NUP160: variants seen among roughly 807,000 people sequenced by gnomAD.
NUP160 encodes nucleoporin 160.
In NUP160, 94 loss-of-function variants were observed where a neutral mutation model predicts 196.9. The ratio of observed to expected loss-of-function variants is 0.48; its 90% CI spans 0.40 to 0.57. NUP160 has a LOEUF of 0.57. Ranked by LOEUF, NUP160 falls within the 20% of genes least tolerant of loss-of-function variation. The probability of loss-of-function intolerance (pLI) is 0.00; values close to 1 mark genes in which losing one functional copy is unlikely to be tolerated. For missense variants in NUP160, 1,638 were observed against 1,748.3 expected (o/e 0.94, Z 1.13); for synonymous variants, 605 against 619.7 (o/e 0.98, Z 0.35).
At chr11:47,824,052 T>TATATACAC (rs1391609379) in intron 7 of NUP160, among the ~76,000 whole-genome samples, 1 of 93,798 alleles carries the variant, frequency 1.1e-5, no homozygotes, top group Non-Finnish European at 2.0e-5. Context: ...TATATATATA[T>TATATACAC]ACACACACAC....
intron 11 of NUP160, 126 bp downstream of exon 11, chr11:47,817,930 A>G (rs1851771028): frequency 1.8e-6 from 1 of 550,492 alleles, no homozygotes; most frequent in African/African-American, 1.9e-5. Flanking sequence ...AAGTATTTAC[A>G]AACACACATA....
intron 2 of NUP160, 145 bp from the exon 3 acceptor site, chr11:47,840,733 T>C (rs989742122): frequency 1.7e-6 from 1 of 574,182 alleles, no homozygotes; most frequent in Non-Finnish European, 3.0e-6. Context: ...GCATGCCAAA[T>C]CACATTATGT....
intron 32 of NUP160, 43 bp from the exon 33 acceptor site, chr11:47,785,106 T>TTTTTTTTTTTTTTTTTTTTTG (rs778039579): frequency 1.0e-6 from 1 of 967,542 alleles, no homozygotes; most frequent in African/African-American, 1.5e-5. Context: ...AGATTCTTAA[T>TTTTTTTTTTTTTTTTTTTTTG]AGCTATTTAG....
chr11:47,848,009 A>T, intron 1 of NUP160, 50 bp from the exon 2 acceptor site: 4 of 1,438,302 alleles, frequency 2.8e-6, no homozygotes, highest in Non-Finnish European at 3.9e-6. Flanking sequence ...GAGAAATGAC[A>T]GGGACTAAGG....
At chr11:47,840,010 T>C in exon 4 of NUP160, 2 of 1,614,172 alleles carry the variant, frequency 1.2e-6, no homozygotes, top group South Asian at 1.1e-5. Context: ...ATCTGTGAAA[T>C]CAACTTTTCC....
At chr11:47,781,032 C>T (rs1031982113) in intron 34 of NUP160, among the ~76,000 whole-genome samples, 2 of 151,362 alleles carry the variant, frequency 1.3e-5, no homozygotes, top group Non-Finnish European at 2.9e-5. Flanking sequence ...CGAGACCAGC[C>T]TGGCCAATAT....
chr11:47,841,816 C>G (rs1305425180), intron 2 of NUP160: 1 of 168,340 alleles, frequency 5.9e-6, no homozygotes, highest in East Asian at 1.8e-4. Flanking sequence ...ACCTCCTCAG[C>G]AGCTGGGACT....
rs1488514802 is a variant in NUP160 at position 47,810,584 on chromosome 11, TCA to T, written c.2241+1478_2241+1479del. Among the ~76,000 whole-genome samples the T allele has an allele frequency of 3.3e-5, 5 of 151,684 alleles. No individual in the cohort carries two copies. In the East Asian group the frequency reaches 9.7e-4, roughly 29 times the overall value. ...TTTTTGGAGACAGAATCTCGCTCTG[TCA>T]CACACGCTGGAGTGCAGTGGTGCAA... On this transcript the variant is annotated intron_variant, in intron 17 of 35. Coordinates refer to ENST00000378460, the Ensembl canonical transcript of NUP160.
intron 9 of NUP160, among the ~76,000 whole-genome samples, chr11:47,820,515 G>A (rs771100497): frequency 6.6e-6 from 1 of 151,902 alleles, no homozygotes; most frequent in Non-Finnish European, 1.5e-5. Flanking sequence ...AGGGTGCATC[G>A]TGCCACCACA....
chr11:47,787,684 A>G (rs2097665431), intron 31 of NUP160, among the ~76,000 whole-genome samples: 2 of 151,136 alleles, frequency 1.3e-5, no homozygotes. Context: ...TATTAGTAGG[A>G]TTACAGATGT....
chr11:47,808,427 A>G (rs149467309), exon 18 of NUP160: 1 of 1,613,562 alleles, frequency 6.2e-7, no homozygotes, highest in East Asian at 2.2e-5. Flanking sequence ...GTTGCCAAGC[A>G]CTCACTTCCC....
exon 20 of NUP160, chr11:47,806,271 C>T (rs1340115534): frequency 6.2e-7 from 1 of 1,613,510 alleles, no homozygotes; most frequent in South Asian, 1.1e-5. Context: ...TTTCTTGCAA[C>T]TTCTTGGAAG....
Position 47,808,401 on chromosome 11 carries a change from G to A in NUP160, c.2370C>T (p.Asp790=), listed in dbSNP as rs148509080. The change falls in exon 18 of 36, where the codon GAC becomes GAT. Residue 790 remains aspartate (D), a synonymous_variant. Transcript: ENST00000378460. ...ATTGGGATAATGAAACTCACAGTGT[G>A]TCAAGTGGAACATCAGTTGCCAAGC... The A allele has an allele frequency of 3.3e-4, 537 of 1,611,934 alleles. 2 individuals are homozygous for A. In the East Asian group the frequency reaches 0.011, roughly 32 times the overall value.
At chr11:47,797,627 G>T in intron 27 of NUP160, 152 bp downstream of exon 27, 1 of 608,646 alleles carries the variant, frequency 1.6e-6, no homozygotes. Context: ...GGAAGCAAGG[G>T]CCTATCTTCA....
At position 47,788,068 on chromosome 11, in the gene NUP160, T is replaced by G. The variant is rs1177309943; in HGVS notation, c.3746+114A>C. On this transcript the variant is annotated intron_variant, in intron 31 of 35. Coordinates refer to ENST00000378460, the Ensembl canonical transcript of NUP160. The stretch of plus-strand genomic sequence containing the variant: ...TTGGATGGATTAAACAAAACACTTC[T>G]TCAAATCATAAATGATATATGGGCT... 4.3e-6 allele frequency: 4 copies of G among 934,458 alleles called. No individual in the cohort carries two copies. In the African/African-American group the frequency reaches 5.0e-5, roughly 12 times the overall value. 57.9% of individuals were successfully genotyped at this position (934,458 alleles called of 1,614,324 possible). A position where few individuals can be genotyped will look rare whatever the true frequency, so the allele number is the denominator to read the frequency against.
intron 13 of NUP160, among the ~76,000 whole-genome samples, chr11:47,814,238 T>A (rs1404278739): frequency 6.6e-6 from 1 of 151,972 alleles, no homozygotes; most frequent in Non-Finnish European, 1.5e-5. Flanking sequence ...GATAACAGTT[T>A]GAGGTTAAGC....
At chr11:47,831,844 A>C (rs1211215934) in intron 7 of NUP160, among the ~76,000 whole-genome samples, 2 of 4,070 alleles carry the variant, frequency 4.9e-4, no homozygotes, top group African/African-American at 6.3e-4. Flanking sequence ...CTCTCTCTCA[A>C]AAAAAAAAAA....
chr11:47,820,377 T>C (rs1398594537), intron 9 of NUP160: 2 of 152,062 alleles, frequency 1.3e-5, no homozygotes, highest in Admixed American at 1.3e-4. Context: ...AGATACCAAA[T>C]ATATCTAACA....
intron 17 of NUP160, among the ~76,000 whole-genome samples, chr11:47,809,203 G>A (rs1216250650): frequency 7.1e-6 from 1 of 141,686 alleles, no homozygotes; most frequent in Non-Finnish European, 1.5e-5. Flanking sequence ...GCAGTGGGCC[G>A]AGATTGAGCC....
Sources: gnomAD v4.1 joint callset for allele counts (sites outside exome capture counted in the v4.1 genomes callset) on GRCh38, gnomAD v4.1.1 for gene constraint, MANE v1.5 for transcripts, NCBI Gene and HGNC (gene_info 2026-07-23, HGNC 2026-07-21) for gene names.